PLCB1: variants seen among roughly 807,000 people sequenced by gnomAD.
The protein encoded by PLCB1 is phospholipase C beta 1.
A neutral mutation model predicts 161.8 loss-of-function variants in PLCB1; 46 were observed. The ratio of observed to expected loss-of-function variants is 0.28; its 90% CI spans 0.22 to 0.36. PLCB1 has a LOEUF of 0.36. Ranked by LOEUF, PLCB1 falls within the 10% of genes least tolerant of loss-of-function variation. The pLI is 1.00. For missense variants in PLCB1, 1,016 were observed against 1,472.5 expected, an observed-to-expected ratio of 0.69 and a Z score of 5.07; for synonymous variants, 517 against 503.7, an observed-to-expected ratio of 1.03 and a Z score of -0.35.
Position 8,590,925 on chromosome 20 carries a change from G to T in PLCB1, c.247-37369G>T, listed in dbSNP as rs369117843. ...GCTGCACCTATCAACCCATCACCTA[G>T]GTATTAAGCCCAGCATGCATTAGCT... On this transcript the variant is annotated intron_variant, in intron 3 of 31. Transcript: ENST00000338037. Among the ~76,000 whole-genome samples the T allele has an allele frequency of 5.9e-5, 9 of 152,136 alleles. No homozygotes were observed. In the East Asian group the frequency reaches 1.4e-3, roughly 23 times the overall value.
chr20:8,403,584 G>A (rs550053918), intron 3 of PLCB1, among the ~76,000 whole-genome samples: 4 of 152,190 alleles, frequency 2.6e-5, no homozygotes, highest in South Asian at 2.1e-4. Context: ...TAAGTGATAT[G>A]TTGATGTTCA....
chr20:8,575,938 AACTC>A (rs1324512117), intron 3 of PLCB1, among the ~76,000 whole-genome samples: 1 of 152,222 alleles, frequency 6.6e-6, no homozygotes, highest in African/African-American at 2.4e-5. Flanking sequence ...CTTTTCATGG[AACTC>A]ACTCAGCCTT....
At chr20:8,194,078 G>C (rs1435964679) in intron 2 of PLCB1, among the ~76,000 whole-genome samples, 1 of 151,902 alleles carries the variant, frequency 6.6e-6, no homozygotes, top group Non-Finnish European at 1.5e-5. Context: ...GCTGCTTCTT[G>C]GTTTCTCTTA....
intron 3 of PLCB1, among the ~76,000 whole-genome samples, chr20:8,470,222 G>T (rs1313976525): frequency 6.6e-6 from 1 of 152,144 alleles, no homozygotes; most frequent in African/African-American, 2.4e-5. Context: ...GTATGAGTAA[G>T]AACACATTTA....
At chr20:8,488,866 A>G (rs1982835355) in intron 3 of PLCB1, among the ~76,000 whole-genome samples, 1 of 152,236 alleles carries the variant, frequency 6.6e-6, no homozygotes. Context: ...AGATTTAATG[A>G]CTTTATCCTG....
At chr20:8,336,211 A>G (rs777839904) in intron 2 of PLCB1, among the ~76,000 whole-genome samples, 1 of 152,254 alleles carries the variant, frequency 6.6e-6, no homozygotes, top group African/African-American at 2.4e-5. Flanking sequence ...AAAATTGGTT[A>G]CTAGTGTCAA....
intron 3 of PLCB1, among the ~76,000 whole-genome samples, chr20:8,438,291 C>T (rs1980399373): frequency 6.6e-6 from 1 of 152,082 alleles, no homozygotes; most frequent in Admixed American, 6.6e-5. Context: ...TATATACATA[C>T]CTAAATATTG....
At chr20:8,394,995 G>T (rs1170021400) in intron 3 of PLCB1, among the ~76,000 whole-genome samples, 1 of 151,934 alleles carries the variant, frequency 6.6e-6, no homozygotes, top group Non-Finnish European at 1.5e-5. Context: ...AAATTGTTTA[G>T]CAAACACAAT....
At chr20:8,474,443 G>A (rs1357098214) in intron 3 of PLCB1, among the ~76,000 whole-genome samples, 1 of 152,146 alleles carries the variant, frequency 6.6e-6, no homozygotes, top group African/African-American at 2.4e-5. Flanking sequence ...TATAGGTGTA[G>A]GGAACAGCAG....
intron 31 of PLCB1, among the ~76,000 whole-genome samples, chr20:8,799,735 A>G (rs1158641410): frequency 1.3e-5 from 2 of 152,226 alleles, no homozygotes; most frequent in African/African-American, 4.8e-5. Flanking sequence ...GGTTGGTTCC[A>G]GGACTCCCCT....
chr20:8,860,280 T>A (rs367884365), intron 31 of PLCB1, among the ~76,000 whole-genome samples: 56 of 152,346 alleles, frequency 3.7e-4, no homozygotes, highest in Middle Eastern at 3.4e-3. Flanking sequence ...AAGGGCCTAC[T>A]GAAGAAAAGC....
chr20:8,255,981 C>T (rs988654125), intron 2 of PLCB1, among the ~76,000 whole-genome samples: 2 of 151,944 alleles, frequency 1.3e-5, no homozygotes, highest in African/African-American at 4.8e-5. Flanking sequence ...CTACAGAGTT[C>T]GATACAGTAA....
chr20:8,735,666 C>A (rs980085934), intron 19 of PLCB1, among the ~76,000 whole-genome samples: 1 of 152,198 alleles, frequency 6.6e-6, no homozygotes, highest in African/African-American at 2.4e-5. Flanking sequence ...CTTAAACATA[C>A]AACATCTTCT....
At chr20:8,308,791 T>A (rs1350889234) in intron 2 of PLCB1, among the ~76,000 whole-genome samples, 1 of 152,020 alleles carries the variant, frequency 6.6e-6, no homozygotes, top group Non-Finnish European at 1.5e-5. Context: ...CAGTACTTTT[T>A]GGTCATAACT....
chr20:8,631,945 T>TTCTACAGGTTCA (rs144772612), intron 4 of PLCB1, among the ~76,000 whole-genome samples: 21,844 of 150,722 alleles, frequency 0.14, 1,560 homozygotes, highest in Middle Eastern at 0.21. Context: ...CTACACAATG[T>TTCTACAGGTTCA]CCTTACAACA....
chr20:8,677,590 C>T (rs1990116629), intron 9 of PLCB1, among the ~76,000 whole-genome samples: 2 of 151,898 alleles, frequency 1.3e-5, no homozygotes, highest in Non-Finnish European at 2.9e-5. Flanking sequence ...TTTTAAGAAA[C>T]GGGGACCAAA....
chr20:8,612,157 C>A (rs978038351), intron 3 of PLCB1, among the ~76,000 whole-genome samples: 1 of 152,124 alleles, frequency 6.6e-6, no homozygotes, highest in South Asian at 2.1e-4. Context: ...AAAGACTGTG[C>A]CACATTCATA....
chr20:8,144,289 G>GCTGATGCCCCCACTA (rs1327978876), intron 1 of PLCB1, among the ~76,000 whole-genome samples: 1 of 152,120 alleles, frequency 6.6e-6, no homozygotes, highest in African/African-American at 2.4e-5. Flanking sequence ...ACTAAGCCAG[G>GCTGATGCCCCCACTA]AGCACCTCGG....
chr20:8,433,703 C>T (rs554549452), intron 3 of PLCB1, among the ~76,000 whole-genome samples: 1 of 127,832 alleles, frequency 7.8e-6, no homozygotes, highest in East Asian at 1.9e-4. Context: ...TATCCTTCTC[C>T]TCTTCCTCCT....
Sources: gnomAD v4.1 joint callset for allele counts (sites outside exome capture counted in the v4.1 genomes callset) on GRCh38, gnomAD v4.1.1 for gene constraint, MANE v1.5 for transcripts, NCBI Gene and HGNC (gene_info 2026-07-23, HGNC 2026-07-21) for gene names.